The following SFMBT2 variants were observed in gnomAD, a reference collection of about 807,000 sequenced individuals.
The protein encoded by SFMBT2 is Scm like with four mbt domains 2.
In SFMBT2, 38 loss-of-function variants were observed where a neutral mutation model predicts 110.1. The observed-to-expected ratio is 0.35, with a 90% CI of 0.27 to 0.45. The LOEUF (loss-of-function observed/expected upper bound fraction) is 0.45. Ranked by LOEUF, SFMBT2 falls within the 20% of genes least tolerant of loss-of-function variation. The probability of loss-of-function intolerance (pLI) is 1.00; values close to 1 mark genes in which losing one functional copy is unlikely to be tolerated. For synonymous variants in SFMBT2, 425 were observed against 425.4 expected (o/e 1.00, Z 0.01); for missense variants, 1,011 against 1,094.9 (o/e 0.92, Z 1.08).
intron 11 of SFMBT2, among the ~76,000 whole-genome samples, chr10:7,209,330 A>C (rs1441360160): frequency 6.6e-6 from 1 of 152,252 alleles, no homozygotes; most frequent in Non-Finnish European, 1.5e-5. Flanking sequence ...CTTTTGGCTA[A>C]GATCAAGCGA....
At chr10:7,387,545 G>A (rs1845643257) in intron 1 of SFMBT2, among the ~76,000 whole-genome samples, 1 of 152,042 alleles carries the variant, frequency 6.6e-6, no homozygotes, top group Admixed American at 6.6e-5. Flanking sequence ...GGATAGGAAG[G>A]CGAGCTTGGG....
chr10:7,403,984 G>C (rs1291374229), intron 1 of SFMBT2, among the ~76,000 whole-genome samples: 1 of 152,148 alleles, frequency 6.6e-6, no homozygotes, highest in Non-Finnish European at 1.5e-5. Flanking sequence ...ACAAAGAAAT[G>C]ATACATGCTT....
At chr10:7,391,544 C>G (rs1845766179) in intron 1 of SFMBT2, among the ~76,000 whole-genome samples, 1 of 151,860 alleles carries the variant, frequency 6.6e-6, no homozygotes, top group Admixed American at 6.6e-5. Flanking sequence ...TGGAAGACTT[C>G]CCCCTACGTC....
chr10:7,329,250 C>G (rs1358836971), intron 4 of SFMBT2, among the ~76,000 whole-genome samples: 4 of 152,204 alleles, frequency 2.6e-5, no homozygotes, highest in Non-Finnish European at 4.4e-5. Context: ...ATGATGATGA[C>G]AATGATGTCA....
At chr10:7,283,703 G>A (rs1366156956) in intron 6 of SFMBT2, among the ~76,000 whole-genome samples, 1 of 152,140 alleles carries the variant, frequency 6.6e-6, no homozygotes, top group Non-Finnish European at 1.5e-5. Context: ...CTCTAACATT[G>A]CTTTCTCCTT....
chr10:7,276,163 C>T (rs1841768006), intron 7 of SFMBT2, among the ~76,000 whole-genome samples: 2 of 152,210 alleles, frequency 1.3e-5, no homozygotes, highest in South Asian at 4.1e-4. Flanking sequence ...ATGCATTTCA[C>T]AAGCCCTTCA....
intron 4 of SFMBT2, among the ~76,000 whole-genome samples, chr10:7,309,364 T>C (rs537999224): frequency 4.7e-4 from 72 of 152,362 alleles, no homozygotes; most frequent in African/African-American, 1.6e-3. Context: ...CAGGTACACA[T>C]TGTCCAGGTC....
intron 1 of SFMBT2, among the ~76,000 whole-genome samples, chr10:7,394,543 C>T (rs1845871343): frequency 1.3e-5 from 2 of 151,276 alleles, no homozygotes; most frequent in African/African-American, 4.9e-5. Context: ...GCTCACCCCC[C>T]TGGCAGCTCC....
rs953554129 is a variant in SFMBT2 at position 7,163,691 on chromosome 10, G to A, written c.*79C>T. 21 of 1,338,670 alleles carry A rather than the reference G, an allele frequency of 1.6e-5. No individual in the cohort carries two copies. Among genetic ancestry groups the A allele is most frequent in the African/African-American group, 1.0e-4 (7 of 68,710 alleles). The allele number at this position is 1,338,670 out of a possible 1,614,324, so 82.9% of individuals were successfully genotyped here. On this transcript the variant is annotated 3_prime_UTR_variant, in exon 21 of 21. Coordinates refer to ENST00000397167, the MANE Select transcript of SFMBT2 (RefSeq NM_001387889.1). The surrounding 1 kb of genome is among the most constrained non-coding windows in gnomAD (Gnocchi z 4.8). ...GTGGCTGTACCATTTAACATATCCC[G>A]GAAAATCAAAGTTTCAGTCCTGGAA...
At chr10:7,273,324 A>G (rs10905144) in intron 7 of SFMBT2, among the ~76,000 whole-genome samples, 80,858 of 151,776 alleles carry the variant, frequency 0.53, 21,977 homozygotes, top group East Asian at 0.79. Flanking sequence ...AAAGATTCCT[A>G]AGTTGGGTCC....
chr10:7,262,533 G>A (rs979371852), intron 7 of SFMBT2, among the ~76,000 whole-genome samples: 1 of 152,196 alleles, frequency 6.6e-6, no homozygotes, highest in Non-Finnish European at 1.5e-5. Context: ...CCCGGGAACT[G>A]GCAAGAGCCA....
At chr10:7,213,697 G>A (rs937253378) in intron 11 of SFMBT2, among the ~76,000 whole-genome samples, 9 of 142,486 alleles carry the variant, frequency 6.3e-5, no homozygotes, top group Non-Finnish European at 1.2e-4. Context: ...CCATGGGTGT[G>A]GGCACTCAGA....
intron 4 of SFMBT2, chr10:7,292,244 T>A (rs1382518327): frequency 4.1e-6 from 1 of 244,086 alleles, no homozygotes; most frequent in East Asian, 1.8e-4. Context: ...GGGGAAGCCT[T>A]TTTTAACACT....
At chr10:7,241,549 T>C (rs1840429709) in intron 9 of SFMBT2, among the ~76,000 whole-genome samples, 1 of 152,174 alleles carries the variant, frequency 6.6e-6, no homozygotes, top group African/African-American at 2.4e-5. Context: ...CACAAATATT[T>C]GGATAAAAGA....
intron 3 of SFMBT2, chr10:7,368,172 A>G (rs1037064108): frequency 6.5e-6 from 2 of 308,780 alleles, no homozygotes; most frequent in Non-Finnish European, 4.7e-6. Context: ...TGTAATCAAT[A>G]TAAAAAACAT....
chr10:7,247,909 T>C (rs1417422600), intron 8 of SFMBT2, among the ~76,000 whole-genome samples: 1 of 152,196 alleles, frequency 6.6e-6, no homozygotes, highest in Non-Finnish European at 1.5e-5. Flanking sequence ...AGACAGGGTC[T>C]CCCTATGTTA....
intron 4 of SFMBT2, among the ~76,000 whole-genome samples, chr10:7,331,183 CTG>C: frequency 1.3e-5 from 2 of 152,388 alleles, no homozygotes; most frequent in South Asian, 4.1e-4. Context: ...AAAAATTACA[CTG>C]TGAGTTCTAG....
chr10:7,231,347 G>A (rs762630553), intron 9 of SFMBT2, among the ~76,000 whole-genome samples: 9 of 152,178 alleles, frequency 5.9e-5, no homozygotes, highest in South Asian at 2.1e-4. Context: ...CCCTGGGGTG[G>A]GGAGGAGGGA....
intron 10 of SFMBT2, among the ~76,000 whole-genome samples, chr10:7,222,951 TG>T (rs1564392168): frequency 6.6e-6 from 1 of 152,202 alleles, no homozygotes; most frequent in African/African-American, 2.4e-5. Context: ...CCACTGAGCC[TG>T]GCCCCCTCTT....
Sources: allele counts gnomAD v4.1 joint callset (sites outside exome capture counted in the v4.1 genomes callset), GRCh38; gene constraint gnomAD v4.1.1; non-coding constraint Gnocchi (gnomAD v3.1); transcripts MANE v1.5; gene names NCBI Gene and HGNC (gene_info 2026-07-23, HGNC 2026-07-21).